The following AVEN variants were observed in gnomAD, a reference collection of about 807,000 sequenced individuals.
AVEN encodes the protein apoptosis and caspase activation inhibitor, also known as cell death regulator Aven.
Under a neutral mutation model 38.1 loss-of-function variants are expected in AVEN, and 41 were observed. The observed-to-expected ratio is 1.08, with a 90% CI of 0.84 to 1.40. The LOEUF is 1.40. Ranked by LOEUF, AVEN falls within the 40% of genes most tolerant of loss-of-function variation. The probability of loss-of-function intolerance (pLI) is 0.00; values close to 1 mark genes in which losing one functional copy is unlikely to be tolerated. For synonymous variants in AVEN, 206 were observed against 171.8 expected (o/e 1.20, Z -1.56); for missense variants, 605 against 438.8 (o/e 1.38, Z -3.38).
chr15:33,874,342 C>G (rs557645725), intron 3 of AVEN, among the ~76,000 whole-genome samples: 1 of 152,138 alleles, frequency 6.6e-6, no homozygotes, highest in East Asian at 1.9e-4. Context: ...ACTAACTAGC[C>G]CACACCTGCC....
intron 2 of AVEN, among the ~76,000 whole-genome samples, chr15:33,916,320 C>A (rs79464783): frequency 1.3e-5 from 2 of 152,330 alleles, no homozygotes; most frequent in Non-Finnish European, 2.9e-5. Flanking sequence ...GTATCTACAG[C>A]TAAGTGACCT....
intron 5 of AVEN, among the ~76,000 whole-genome samples, chr15:34,045,728 G>A (rs1899658324): frequency 2.4e-5 from 1 of 42,052 alleles, no homozygotes. Flanking sequence ...TTCAGAAAAC[G>A]AAGGCCTAAC....
upstream of AVEN, chr15:34,039,300 G>T (rs185746002): frequency 8.8e-3 from 1,492 of 168,710 alleles, 12 homozygotes; most frequent in Non-Finnish European, 0.013. Context: ...AGTGGTGGGG[G>T]TCTGCAGCGG....
chr15:33,985,891 C>T lies in AVEN; in HGVS notation c.445+17141G>A, dbSNP rs966604277. ...GAAAAAACTATCTCTAAGGATTCTT[C>T]TCTAATACTGAAAGGTTCATGATTC... On this transcript the variant is annotated intron_variant, in intron 2 of 5. Transcript: ENST00000306730. Among the ~76,000 whole-genome samples the T allele has an allele frequency of 2.6e-5, 4 of 152,254 alleles. No homozygotes were observed. In the East Asian group the frequency reaches 7.7e-4, roughly 29 times the overall value.
chr15:33,898,740 G>A (rs1479887448), intron 2 of AVEN, among the ~76,000 whole-genome samples: 1 of 152,114 alleles, frequency 6.6e-6, no homozygotes, highest in South Asian at 2.1e-4. Context: ...ATATCTTTTA[G>A]GAGGGCACAA....
At chr15:33,873,049 C>T (rs116637742) in intron 3 of AVEN, among the ~76,000 whole-genome samples, 4,163 of 151,272 alleles carry the variant, frequency 0.028, 196 homozygotes, top group African/African-American at 0.094. Context: ...CAAACTCCCA[C>T]TCCCTTTAAC....
chr15:33,923,788 C>A, intron 2 of AVEN, among the ~76,000 whole-genome samples: 1 of 151,876 alleles, frequency 6.6e-6, no homozygotes, highest in East Asian at 1.9e-4. Context: ...TCTGTATTTA[C>A]AGCCACTCCC....
chr15:33,996,268 C>T (rs1351944023), intron 2 of AVEN, among the ~76,000 whole-genome samples: 3 of 152,234 alleles, frequency 2.0e-5, no homozygotes, highest in Middle Eastern at 3.4e-3. Context: ...GCTGGACAAA[C>T]GGCAGCAGAA....
intron 2 of AVEN, among the ~76,000 whole-genome samples, chr15:33,919,000 A>C (rs1197778280): frequency 6.8e-6 from 1 of 146,794 alleles, no homozygotes; most frequent in African/African-American, 2.5e-5. Flanking sequence ...AGCTCACTGC[A>C]ACCTCCGCCT....
Position 33,992,967 on chromosome 15 carries a change from G to A in AVEN, c.445+10065C>T, listed in dbSNP as rs1035976954. Reference sequence around the variant, plus strand: ...GACCAAACTGCAGTCTGGTTATTTCGTTTTTATTTGTATCTCTAAAAATAG... The same window carrying A: ...GACCAAACTGCAGTCTGGTTATTTCATTTTTATTTGTATCTCTAAAAATAG... On this transcript the variant is annotated intron_variant, in intron 2 of 5. Transcript: ENST00000306730. Among the ~76,000 whole-genome samples the A allele has an allele frequency of 4.6e-5, 7 of 152,146 alleles. No homozygotes were observed. The South Asian group carries it at 6.2e-4, about 14-fold the overall frequency.
chr15:33,939,407 A>G (rs1055523346), intron 2 of AVEN, among the ~76,000 whole-genome samples: 1 of 152,254 alleles, frequency 6.6e-6, no homozygotes, highest in African/African-American at 2.4e-5. Context: ...AACACGTACA[A>G]CTGAAGAAAA....
Position 34,063,237 on chromosome 15 carries a change from G to A in AVEN, n.1322C>T. The A allele has an allele frequency of 6.2e-7, 1 of 1,614,178 alleles. No individual in the cohort carries two copies. The highest frequency in any genetic ancestry group is 1.3e-5 in the African/African-American group (1 of 75,038). On this transcript the variant is annotated non_coding_transcript_exon_variant, in exon 5 of 12. Coordinates refer to the AVEN transcript ENST00000675287. The surrounding 1 kb of genome is among the most constrained non-coding windows in gnomAD (Gnocchi z 4.1). ...AATCCTCTGCTGGCAGTACTTGGTT[G>A]GGAAGCGGACAGTTCCACTGGATGA...
At chr15:33,905,124 C>T (rs7403199) in intron 2 of AVEN, among the ~76,000 whole-genome samples, 122,817 of 139,334 alleles carry the variant, frequency 0.88, 55,316 homozygotes, top group Non-Finnish European at 0.98. Context: ...AGCAAGACTC[C>T]GTCTCCAAAA....
chr15:34,012,937 T>A (rs1417934778), intron 1 of AVEN, among the ~76,000 whole-genome samples: 5 of 152,216 alleles, frequency 3.3e-5, no homozygotes, highest in African/African-American at 9.6e-5. Context: ...AATTTCTTAA[T>A]CATTGTCATG....
intron 1 of AVEN, among the ~76,000 whole-genome samples, chr15:34,004,003 G>A (rs760105639): frequency 6.6e-6 from 1 of 152,154 alleles, no homozygotes; most frequent in Non-Finnish European, 1.5e-5. Context: ...ATAGCCTTCT[G>A]TGAGTGCCCT....
At chr15:33,872,066 C>G (rs1890987555) in intron 3 of AVEN, among the ~76,000 whole-genome samples, 1 of 152,176 alleles carries the variant, frequency 6.6e-6, no homozygotes, top group African/African-American at 2.4e-5. Flanking sequence ...AGGGCCTGGC[C>G]TACGACATCT....
chr15:34,015,185 A>C (rs1226689017), intron 1 of AVEN, among the ~76,000 whole-genome samples: 4 of 152,210 alleles, frequency 2.6e-5, no homozygotes, highest in Non-Finnish European at 5.9e-5. Flanking sequence ...GCACTTTTTA[A>C]AAAATTCCAC....
At chr15:33,935,737 C>G (rs957076276) in intron 2 of AVEN, among the ~76,000 whole-genome samples, 11 of 152,078 alleles carry the variant, frequency 7.2e-5, no homozygotes, top group Admixed American at 5.9e-4. Context: ...CAGCCTATCT[C>G]TATACTTCAT....
intron 1 of AVEN, among the ~76,000 whole-genome samples, chr15:34,012,297 T>G (rs1435121917): frequency 1.3e-5 from 2 of 152,160 alleles, no homozygotes; most frequent in Non-Finnish European, 2.9e-5. Flanking sequence ...CAATAAGTAG[T>G]GACACAACTA....
Sources: allele counts gnomAD v4.1 joint callset (sites outside exome capture counted in the v4.1 genomes callset), GRCh38; gene constraint gnomAD v4.1.1; non-coding constraint Gnocchi (gnomAD v3.1); transcripts MANE v1.5; gene names NCBI Gene and HGNC (gene_info 2026-07-23, HGNC 2026-07-21).